Variants in YES1 observed in about 807,000 individuals in gnomAD.
The protein encoded by YES1 is tyrosine-protein kinase Yes.
A neutral mutation model predicts 70.4 loss-of-function variants in YES1; 39 were observed. That is an observed-to-expected ratio of 0.55 (90% CI 0.43 to 0.72). The LOEUF (loss-of-function observed/expected upper bound fraction) is 0.72, where lower values mean the gene tolerates loss of function less well. YES1 is among the 30% of genes least tolerant of loss of function. YES1 has a pLI of 0.00. For synonymous variants in YES1, 198 were observed against 218.6 expected, an observed-to-expected ratio of 0.91 and a Z score of 0.83; for missense variants, 495 against 644.8, an observed-to-expected ratio of 0.77 and a Z score of 2.52.
rs1355229735 is a variant in YES1 at position 745,877 on chromosome 18, T to G, written c.575-20A>C. On this transcript the variant is annotated intron_variant, in intron 5 of 11. Transcript: ENST00000314574. ...AAGCACCTGGGTGAAAAATAAATAC[T>G]TTCACTATATCTTTCTCAAAATACT... 1.2e-6 allele frequency: 2 copies of G among 1,609,124 alleles called. No individual in the cohort carries two copies. Among genetic ancestry groups the G allele is most frequent in the Non-Finnish European group, 1.7e-6 (2 of 1,178,566 alleles).
chr18:770,022 C>T (rs1207520719), intron 1 of YES1, among the ~76,000 whole-genome samples: 3 of 151,548 alleles, frequency 2.0e-5, no homozygotes, highest in Non-Finnish European at 2.9e-5. Context: ...GGCGTGATCC[C>T]GGCTCACTGC....
chr18:787,951 G>A (rs1906049480), intron 1 of YES1: 1 of 152,166 alleles, frequency 6.6e-6, no homozygotes, highest in Non-Finnish European at 1.5e-5. Flanking sequence ...TTCAACAACT[G>A]CTTTAGCCTC....
chr18:735,575 G>A (rs1356735937), intron 10 of YES1, among the ~76,000 whole-genome samples: 9 of 145,328 alleles, frequency 6.2e-5, no homozygotes, highest in Non-Finnish European at 1.2e-4. Context: ...TTAGCTGGGT[G>A]TGGTGGTACG....
At chr18:732,731 T>C in intron 11 of YES1, 103 bp downstream of exon 11, 1 of 1,442,416 alleles carries the variant, frequency 6.9e-7, no homozygotes, top group Non-Finnish European at 9.6e-7. Flanking sequence ...AGGGGGACTA[T>C]GAGAAGAAAT....
At chr18:778,593 T>G (rs547405664) in intron 1 of YES1, among the ~76,000 whole-genome samples, 1 of 152,372 alleles carries the variant, frequency 6.6e-6, no homozygotes, top group East Asian at 1.9e-4. Context: ...AGCCCTAGTC[T>G]GGCATTTTGC....
In YES1 at chr18:811,189, T is replaced by C. The variant is rs148963347; in HGVS notation, c.-9+925A>G. Among the ~76,000 whole-genome samples the C allele has an allele frequency of 4.7e-3, 711 of 152,306 alleles. 7 individuals carry two copies. The highest frequency in any genetic ancestry group is 0.016 in the African/African-American group (674 of 41,556). ...AAAACACACACCCGTGGAACGTATA[T>C]ACATAATAAATGGACATAAAATTGT... On this transcript the variant is annotated intron_variant, in intron 1 of 11. Transcript: ENST00000314574.
chr18:797,710 G>C (rs941135885), intron 1 of YES1, among the ~76,000 whole-genome samples: 4 of 152,076 alleles, frequency 2.6e-5, no homozygotes, highest in African/African-American at 9.7e-5. Context: ...TAAAAATTTT[G>C]TCAGGAATCA....
At chr18:765,458 G>A (rs1860629162) in intron 1 of YES1, among the ~76,000 whole-genome samples, 2 of 148,928 alleles carry the variant, frequency 1.3e-5, no homozygotes, top group Admixed American at 6.7e-5. Context: ...GAGTGTAGTG[G>A]CGTGATCTTG....
chr18:802,303 C>A (rs1906866030), intron 1 of YES1, among the ~76,000 whole-genome samples: 2 of 152,134 alleles, frequency 1.3e-5, no homozygotes, highest in Admixed American at 1.3e-4. Flanking sequence ...CGTGGTGGCT[C>A]ATGCCTGTAA....
At chr18:799,169 T>C (rs1298794550) in intron 1 of YES1, among the ~76,000 whole-genome samples, 1 of 152,178 alleles carries the variant, frequency 6.6e-6, no homozygotes, top group East Asian at 1.9e-4. Flanking sequence ...TAGAACCAAG[T>C]GGTATTTTCC....
chr18:757,347 C>CAAA (rs1203323667), intron 1 of YES1, among the ~76,000 whole-genome samples: 1 of 151,380 alleles, frequency 6.6e-6, no homozygotes, highest in Admixed American at 6.6e-5. Flanking sequence ...ACTAAAAATG[C>CAAA]AAAAAATTAG....
At chr18:748,643 T>C (rs2080307563) in intron 3 of YES1, among the ~76,000 whole-genome samples, 1 of 152,250 alleles carries the variant, frequency 6.6e-6, no homozygotes, top group African/African-American at 2.4e-5. Flanking sequence ...TGTGCATTTA[T>C]GTGGTCTTTT....
At chr18:807,056 G>T (rs758448968) in intron 1 of YES1, among the ~76,000 whole-genome samples, 13 of 152,174 alleles carry the variant, frequency 8.5e-5, no homozygotes, top group Non-Finnish European at 1.9e-4. Flanking sequence ...GACTGCTGGA[G>T]CCTAAGAATT....
At chr18:746,292 C>A (rs545133255) in intron 4 of YES1, among the ~76,000 whole-genome samples, 112 of 152,122 alleles carry the variant, frequency 7.4e-4, no homozygotes, top group Non-Finnish European at 1.4e-3. Context: ...TCTCAAAACT[C>A]CACCTGACAG....
intron 3 of YES1, among the ~76,000 whole-genome samples, chr18:750,316 T>C (rs1391087336): frequency 6.6e-6 from 1 of 152,184 alleles, no homozygotes; most frequent in African/African-American, 2.4e-5. Flanking sequence ...TGACAGACTT[T>C]AGAGTGTGCT....
At chr18:731,442 C>A (rs12185469) in intron 11 of YES1, among the ~76,000 whole-genome samples, 15,694 of 152,034 alleles carry the variant, frequency 0.1, 953 homozygotes, top group East Asian at 0.27. Context: ...AATTTGATGG[C>A]ATTAGATCTA....
At chr18:769,196 C>T (rs1344156444) in intron 1 of YES1, among the ~76,000 whole-genome samples, 2 of 152,144 alleles carry the variant, frequency 1.3e-5, no homozygotes, top group African/African-American at 2.4e-5. Context: ...ATGATGAAAT[C>T]GCCTGATGAC....
At position 731,739 on chromosome 18, in the gene YES1, G is replaced by A. The variant is rs377546453; in HGVS notation, c.1423+1095C>T. 5.2e-4 allele frequency among the ~76,000 whole-genome samples: 78 copies of A among 150,992 alleles called. 1 individual carries two copies. The highest frequency in any genetic ancestry group is 1.7e-3 in the African/African-American group (70 of 41,184). The stretch of plus-strand genomic sequence containing the variant: ...TCCCAGCATTCTGGGAGGCCGAGGC[G>A]GGCAGATCACAAGGTCAGGAGATCG... On this transcript the variant is annotated intron_variant, in intron 11 of 11. Coordinates refer to ENST00000314574, the MANE Select transcript of YES1 (RefSeq NM_005433.4).
intron 10 of YES1, among the ~76,000 whole-genome samples, chr18:735,542 C>T (rs1051458732): frequency 9.2e-5 from 14 of 151,756 alleles, no homozygotes; most frequent in African/African-American, 2.7e-4. Context: ...GGTGAAACCC[C>T]GTCTCTACTG....
Sources: allele counts gnomAD v4.1 joint callset (sites outside exome capture counted in the v4.1 genomes callset), GRCh38; gene constraint gnomAD v4.1.1; transcripts MANE v1.5; gene names NCBI Gene and HGNC (gene_info 2026-07-23, HGNC 2026-07-21).